The following OR51I2 variants were observed in gnomAD, a reference collection of about 807,000 sequenced individuals.
The protein encoded by OR51I2 is olfactory receptor family 51 subfamily I member 2.
A neutral mutation model predicts 9.3 loss-of-function variants in OR51I2; 6 were observed. That is an observed-to-expected ratio of 0.64 (90% confidence interval 0.35 to 1.27). The LOEUF is 1.27. OR51I2 is among the 50% of genes most tolerant of loss of function. The pLI is 0.03. For missense variants in OR51I2, 489 were observed against 396.4 expected, an observed-to-expected ratio of 1.23 and a Z score of -1.98; for synonymous variants, 179 against 143.1, an observed-to-expected ratio of 1.25 and a Z score of -1.79.
At chr11:5,450,673 G>A (rs1226070476) in intron 1 of OR51I2, among the ~76,000 whole-genome samples, 1 of 152,086 alleles carries the variant, frequency 6.6e-6, no homozygotes, top group African/African-American at 2.4e-5. Flanking sequence ...TTTGTTTAGG[G>A]GTACCTGTGA....
chr11:5,452,257 C>A (rs1850863841), intron 1 of OR51I2, among the ~76,000 whole-genome samples: 1 of 152,068 alleles, frequency 6.6e-6, no homozygotes, highest in Admixed American at 6.5e-5. Flanking sequence ...GTAATCCCAG[C>A]ACTTTGGGAG....
Position 5,454,049 on chromosome 11 carries a change from T to TC in OR51I2, c.561_562insC (p.Ala188ArgfsTer4). 1 of 1,614,180 alleles carries TC rather than the reference T, an allele frequency of 6.2e-7. No homozygotes were observed. Among genetic ancestry groups the TC allele is most frequent in the Non-Finnish European group, 8.5e-7 (1 of 1,180,040 alleles). On this transcript the variant is annotated frameshift_variant, in exon 2 of 2. Coordinates refer to ENST00000641930, the MANE Select transcript of OR51I2 (RefSeq NM_001004754.3). LOFTEE classifies it high-confidence loss of function. ...GCCTGCACCCAGACATGATGAGGCT[T>TC]GCCTGTGCTGATATCAGTATCAACA...
In OR51I2 at chr11:5,453,880, G is replaced by A. The variant is rs372469717; in HGVS notation, c.392G>A (p.Arg131His). Reference sequence around the variant, plus strand: ...TATGTGGCCATTTGTGACCCCTTGCGCTATGCAACTGTGCTCACCACTGAA... The same window carrying A: ...TATGTGGCCATTTGTGACCCCTTGCACTATGCAACTGTGCTCACCACTGAA... ...DRYVAICDPL[R>H]YATVLTTEVI... Residue 131 changes from arginine (R) to histidine (H), a missense_variant, in exon 2 of 2, where the codon CGC becomes CAC. Coordinates refer to ENST00000641930, the MANE Select transcript of OR51I2 (RefSeq NM_001004754.3). The A allele has an allele frequency of 3.6e-5, 58 of 1,614,048 alleles. No homozygotes were observed. Among genetic ancestry groups the A allele is most frequent in the African/African-American group, 2.3e-4 (17 of 74,924 alleles).
chr11:5,451,043 C>T (rs772665949), intron 1 of OR51I2, among the ~76,000 whole-genome samples: 1 of 152,222 alleles, frequency 6.6e-6, no homozygotes, highest in Non-Finnish European at 1.5e-5. Context: ...CTCTCAGTGT[C>T]CATATCTGTT....
intron 1 of OR51I2, among the ~76,000 whole-genome samples, chr11:5,451,080 A>T (rs926010478): frequency 2.0e-5 from 3 of 152,222 alleles, no homozygotes; most frequent in African/African-American, 7.2e-5. Flanking sequence ...AATAAATGTA[A>T]AGTTCCTTGC....
chr11:5,450,700 T>C (rs1850831934), intron 1 of OR51I2, among the ~76,000 whole-genome samples: 1 of 152,216 alleles, frequency 6.6e-6, no homozygotes, highest in Non-Finnish European at 1.5e-5. Context: ...TGTTCAGAAA[T>C]GCATTCCTCT....
chr11:5,452,519 A>G (rs1230962959), intron 1 of OR51I2, among the ~76,000 whole-genome samples: 14 of 39,404 alleles, frequency 3.6e-4, no homozygotes, highest in African/African-American at 1.2e-3. Flanking sequence ...AAAAAAAAAA[A>G]AAAAAAAAAA....
chr11:5,454,692 G>A lies in OR51I2; in HGVS notation c.*265G>A. On this transcript the variant is annotated 3_prime_UTR_variant, in exon 2 of 2. Transcript: ENST00000641930. ...TACAGAGGAAGACTAATTTAAGCTA[G>A]GAATTATTTTCTATAATAATGAATA... 1.4e-5 allele frequency: 4 copies of A among 277,156 alleles called. No homozygotes were observed. The highest frequency in any genetic ancestry group is 1.4e-4 in the Admixed American group (3 of 21,156). 17.2% of individuals were successfully genotyped at this position (277,156 alleles called of 1,614,324 possible).
rs1243839708 is a variant in OR51I2, at chr11:5,454,552, A to G, written c.*125A>G. 10 of 742,582 alleles carry G rather than the reference A, an allele frequency of 1.3e-5. No homozygotes were observed. Among genetic ancestry groups the G allele is most frequent in the Non-Finnish European group, 2.2e-5 (10 of 453,792 alleles). 46.0% of individuals were successfully genotyped at this position (742,582 alleles called of 1,614,324 possible). ...GGGAAAAGTAGGCCAGGAGATGGTG[A>G]TGCAAAACTTATAACACAAAACAAG... On this transcript the variant is annotated 3_prime_UTR_variant, in exon 2 of 2. Transcript: ENST00000641930.
Position 5,453,413 on chromosome 11 carries a change from C to T in OR51I2, c.-76C>T. ...GTCTCTTATCTCCTGATTTCTTGTC[C>T]TCCAGCAAGTGCAACTGTTAGAATT... On this transcript the variant is annotated 5_prime_UTR_variant, in exon 2 of 2. Transcript: ENST00000641930. 1 of 1,080,982 alleles carries T rather than the reference C, an allele frequency of 9.3e-7. No homozygotes were observed. Among genetic ancestry groups the T allele is most frequent in the Non-Finnish European group, 1.3e-6 (1 of 765,012 alleles). The allele number at this position is 1,080,982 out of a possible 1,614,324, so 67.0% of individuals were successfully genotyped here.
Position 5,453,415 on chromosome 11 carries a change from C to T in OR51I2, c.-74C>T, listed in dbSNP as rs895526400. On this transcript the variant is annotated 5_prime_UTR_variant, in exon 2 of 2. Coordinates refer to ENST00000641930, the MANE Select transcript of OR51I2 (RefSeq NM_001004754.3). The stretch of plus-strand genomic sequence containing the variant: ...CTCTTATCTCCTGATTTCTTGTCCT[C>T]CAGCAAGTGCAACTGTTAGAATTCT... 1 of 1,106,008 alleles carries T rather than the reference C, an allele frequency of 9.0e-7. No individual in the cohort carries two copies. The highest frequency in any genetic ancestry group is 1.3e-6 in the Non-Finnish European group (1 of 786,584). The allele number at this position is 1,106,008 out of a possible 1,614,324, so 68.5% of individuals were successfully genotyped here. A position where few individuals can be genotyped will look rare whatever the true frequency, so the allele number is the denominator to read the frequency against.
At position 5,453,875 on chromosome 11, in the gene OR51I2, C is replaced by A; in HGVS notation, c.387C>A (p.Pro129=). Residue 129 remains proline, a synonymous_variant, in exon 2 of 2, where the codon CCC becomes CCA. Coordinates refer to ENST00000641930, the MANE Select transcript of OR51I2 (RefSeq NM_001004754.3). ...SFDRYVAICD[P]LRYATVLTTE... ...ACCGCTATGTGGCCATTTGTGACCC[C>A]TTGCGCTATGCAACTGTGCTCACCA... 1 of 1,614,228 alleles carries A rather than the reference C, an allele frequency of 6.2e-7. No individual in the cohort carries two copies. The highest frequency in any genetic ancestry group is 1.1e-5 in the South Asian group (1 of 91,090).
At position 5,453,562 on chromosome 11, in the gene OR51I2, C is replaced by G. The variant is rs374169531; in HGVS notation, c.74C>G (p.Ser25Cys). 5.6e-6 allele frequency: 9 copies of G among 1,610,786 alleles called. No individual in the cohort carries two copies. Among genetic ancestry groups the G allele is most frequent in the Non-Finnish European group, 7.6e-6 (9 of 1,178,508 alleles). ...ATCCCTGGTCTGGAGAGCTCTCACT[C>G]CTGGCTGTCAGGGCCCCTCTGCGTG... ...TGIPGLESSH[S>C]WLSGPLCVMY... Residue 25 changes from serine to cysteine, a missense_variant, in exon 2 of 2, where the codon TCC (serine) becomes TGC (cysteine). By Grantham distance (112) the Ser-to-Cys change is moderately radical. Coordinates refer to ENST00000641930, the MANE Select transcript of OR51I2 (RefSeq NM_001004754.3).
chr11:5,454,343 T>C lies in OR51I2; in HGVS notation c.855T>C (p.Pro285=). Residue 285 remains proline (P), a synonymous_variant, in exon 2 of 2, where the codon CCT becomes CCC. Coordinates refer to ENST00000641930, the MANE Select transcript of OR51I2 (RefSeq NM_001004754.3). ...LMSNVYLFVP[P]VLNPLIYSAK... The stretch of plus-strand genomic sequence containing the variant: ...CAAATGTGTACCTATTTGTGCCTCC[T>C]GTGCTCAACCCTCTCATTTATAGCG... 1 of 1,614,120 alleles carries C rather than the reference T, an allele frequency of 6.2e-7. No individual in the cohort carries two copies. Among genetic ancestry groups the C allele is most frequent in the Non-Finnish European group, 8.5e-7 (1 of 1,180,016 alleles).
In OR51I2 at chr11:5,456,182, T is replaced by C. The variant is rs1022797339; in HGVS notation, c.*1755T>C. ...AGCGAGGGATACATTCTTTTGACCA[T>C]AGGCCTTACTTAGAAACCCAATGGT... is the stretch of plus-strand genomic sequence containing the variant. On this transcript the variant is annotated 3_prime_UTR_variant, in exon 2 of 2. Coordinates refer to ENST00000641930, the MANE Select transcript of OR51I2 (RefSeq NM_001004754.3). 17 of 152,306 alleles carry C rather than the reference T, an allele frequency of 1.1e-4. No homozygotes were observed. Among genetic ancestry groups the C allele is most frequent in the East Asian group, 7.7e-4 (4 of 5,180 alleles). 9.4% of individuals were successfully genotyped at this position (152,306 alleles called of 1,614,324 possible).
chr11:5,450,991 C>T (rs1483307452), intron 1 of OR51I2, among the ~76,000 whole-genome samples: 1 of 152,120 alleles, frequency 6.6e-6, no homozygotes, highest in East Asian at 1.9e-4. Context: ...AATGTTTTAT[C>T]ACCTGGTCTC....
Position 5,456,475 on chromosome 11 carries a change from CTTTAACTTCTTTTTA to C in OR51I2, c.*2055_*2069del. 1 of 152,178 alleles carries C rather than the reference CTTTAACTTCTTTTTA, an allele frequency of 6.6e-6. No homozygotes were observed. Among genetic ancestry groups the C allele is most frequent in the Non-Finnish European group, 1.5e-5 (1 of 67,998 alleles). 9.4% of individuals were successfully genotyped at this position (152,178 alleles called of 1,614,324 possible). A position where few individuals can be genotyped will look rare whatever the true frequency, so the allele number is the denominator to read the frequency against. On this transcript the variant is annotated 3_prime_UTR_variant, in exon 2 of 2. Transcript: ENST00000641930. The stretch of plus-strand genomic sequence containing the variant: ...TTTTTTTGACCTTGGGTTAAAAACT[CTTTAACTTCTTTTTA>C]TTTAACATAATCTTTTTTGAACTCA...
Position 5,454,653 on chromosome 11 carries a change from A to C in OR51I2, c.*226A>C, listed in dbSNP as rs986357647. 1 of 386,204 alleles carries C rather than the reference A, an allele frequency of 2.6e-6. No homozygotes were observed. 23.9% of individuals were successfully genotyped at this position (386,204 alleles called of 1,614,324 possible). ...AGATAAATATTGGGGGCAATTGAGTAATTAGACAAGTTTTACAGAGGAAGA... is the reference window on the plus strand; with the variant it reads ...AGATAAATATTGGGGGCAATTGAGTCATTAGACAAGTTTTACAGAGGAAGA... On this transcript the variant is annotated 3_prime_UTR_variant, in exon 2 of 2. Coordinates refer to ENST00000641930, the MANE Select transcript of OR51I2 (RefSeq NM_001004754.3).
Position 5,453,573 on chromosome 11 carries a change from G to C in OR51I2, c.85G>C (p.Gly29Arg), listed in dbSNP as rs1482444871. Residue 29 changes from glycine (G) to arginine (R), a missense_variant, in exon 2 of 2, where the codon GGG becomes CGG. Physicochemically the swap from Gly to Arg is moderately radical, Grantham distance 125. Transcript: ENST00000641930. ...GLESSHSWLS[G>R]PLCVMYAVAL... ...GGAGAGCTCTCACTCCTGGCTGTCA[G>C]GGCCCCTCTGCGTGATGTATGCTGT... 1.2e-6 allele frequency: 2 copies of C among 1,612,370 alleles called. No homozygotes were observed. The highest frequency in any genetic ancestry group is 1.7e-6 in the Non-Finnish European group (2 of 1,179,328).
Sources: allele counts gnomAD v4.1 joint callset (sites outside exome capture counted in the v4.1 genomes callset), GRCh38; gene constraint gnomAD v4.1.1; transcripts MANE v1.5; gene names NCBI Gene and HGNC (gene_info 2026-07-23, HGNC 2026-07-21).